The following GNAQ variants were observed in gnomAD, a reference collection of about 807,000 sequenced individuals.
The protein encoded by GNAQ is G protein subunit alpha q.
GNAQ carries 8 observed loss-of-function variants against 43.9 expected under a neutral mutation model. The observed-to-expected ratio is 0.18, with a 90% CI of 0.11 to 0.33. The LOEUF (loss-of-function observed/expected upper bound fraction) is 0.33. GNAQ is among the 10% of genes least tolerant of loss of function. The pLI is 1.00. For missense variants in GNAQ, 158 were observed against 450.8 expected, an observed-to-expected ratio of 0.35 and a Z score of 5.88; for synonymous variants, 155 against 170.7, an observed-to-expected ratio of 0.91 and a Z score of 0.71.
intron 2 of GNAQ, among the ~76,000 whole-genome samples, chr9:77,918,799 C>A (rs1828953817): frequency 6.6e-6 from 1 of 152,150 alleles, no homozygotes; most frequent in South Asian, 2.1e-4. Flanking sequence ...TTTTCTGTAT[C>A]CCTGACAGTA....
chr9:77,996,451 G>A (rs867933838), intron 1 of GNAQ, among the ~76,000 whole-genome samples: 12 of 152,090 alleles, frequency 7.9e-5, no homozygotes, highest in Middle Eastern at 6.8e-3. Context: ...AAGCCGAGGC[G>A]GGCGGATCAC....
chr9:77,986,287 T>G (rs1482476070), intron 1 of GNAQ, among the ~76,000 whole-genome samples: 1 of 152,178 alleles, frequency 6.6e-6, no homozygotes, highest in Non-Finnish European at 1.5e-5. Context: ...AAGTAACCTT[T>G]GAATCTTACT....
At chr9:77,966,699 G>A (rs1353817191) in intron 1 of GNAQ, among the ~76,000 whole-genome samples, 1 of 152,128 alleles carries the variant, frequency 6.6e-6, no homozygotes, top group African/African-American at 2.4e-5. Flanking sequence ...ACTCATGAGG[G>A]GAAAGAGGTA....
intron 5 of GNAQ, among the ~76,000 whole-genome samples, chr9:77,762,135 C>A (rs1826044582): frequency 7.2e-6 from 1 of 138,902 alleles, no homozygotes; most frequent in Admixed American, 6.9e-5. Flanking sequence ...GGGGTCAGCC[C>A]CCTGCCCGGC....
intron 5 of GNAQ, among the ~76,000 whole-genome samples, chr9:77,750,775 CCTGA>C (rs997752806): frequency 6.6e-6 from 1 of 152,098 alleles, no homozygotes; most frequent in Non-Finnish European, 1.5e-5. Context: ...TTATACCAAC[CCTGA>C]CTGACTGAGC....
At chr9:77,956,492 C>A (rs1020228315) in intron 1 of GNAQ, among the ~76,000 whole-genome samples, 3 of 152,108 alleles carry the variant, frequency 2.0e-5, no homozygotes, top group African/African-American at 7.2e-5. Context: ...AGTATAGGAT[C>A]CCTCACTTTC....
At chr9:77,962,161 A>T (rs540317476) in intron 1 of GNAQ, among the ~76,000 whole-genome samples, 175 of 152,320 alleles carry the variant, frequency 1.1e-3, no homozygotes, top group Non-Finnish European at 2.1e-3. Flanking sequence ...GAAAAAAACG[A>T]GCAGTCTCAG....
At chr9:77,939,919 C>T (rs981872418) in intron 1 of GNAQ, among the ~76,000 whole-genome samples, 4 of 152,154 alleles carry the variant, frequency 2.6e-5, no homozygotes, top group African/African-American at 9.7e-5. Context: ...GATTGGGTTA[C>T]CTCACAGTTA....
intron 2 of GNAQ, among the ~76,000 whole-genome samples, chr9:77,874,755 G>T (rs1189362744): frequency 6.6e-6 from 1 of 151,986 alleles, no homozygotes; most frequent in East Asian, 1.9e-4. Context: ...CTCCCAAGTA[G>T]CTGGGAATAC....
intron 6 of GNAQ, 101 bp from the exon 7 acceptor site, chr9:77,721,614 A>G: frequency 1.4e-6 from 1 of 734,982 alleles, no homozygotes; most frequent in Non-Finnish European, 2.3e-6. Flanking sequence ...CATGAAGCCT[A>G]CATCTGCACT....
At chr9:77,996,084 C>T (rs993480976) in intron 1 of GNAQ, among the ~76,000 whole-genome samples, 3 of 151,964 alleles carry the variant, frequency 2.0e-5, no homozygotes, top group African/African-American at 4.8e-5. Flanking sequence ...CCACACAAAA[C>T]GGCACCATTC....
chr9:77,836,506 A>G (rs1827388427), intron 2 of GNAQ, among the ~76,000 whole-genome samples: 1 of 151,976 alleles, frequency 6.6e-6, no homozygotes, highest in South Asian at 2.1e-4. Context: ...TAGGCATAAA[A>G]GCAAACCAGG....
At chr9:77,802,510 G>A (rs1380038470) in intron 3 of GNAQ, among the ~76,000 whole-genome samples, 2 of 151,978 alleles carry the variant, frequency 1.3e-5, no homozygotes, top group African/African-American at 4.8e-5. Context: ...GGTGGAATAT[G>A]AGGGACAGGT....
intron 1 of GNAQ, among the ~76,000 whole-genome samples, chr9:78,029,513 C>T (rs576641265): frequency 6.6e-6 from 1 of 152,176 alleles, no homozygotes; most frequent in South Asian, 2.1e-4. Context: ...TTGCCTCCTC[C>T]CTGGCTTCAT....
At chr9:77,861,492 G>A (rs546968173) in intron 2 of GNAQ, among the ~76,000 whole-genome samples, 15 of 152,178 alleles carry the variant, frequency 9.9e-5, no homozygotes, top group African/African-American at 2.2e-4. Context: ...AGTCCCTTCC[G>A]CTTATGAGCC....
At chr9:77,837,170 A>C (rs910241002) in intron 2 of GNAQ, among the ~76,000 whole-genome samples, 1 of 152,184 alleles carries the variant, frequency 6.6e-6, no homozygotes. Flanking sequence ...GACATATGTT[A>C]ATCAGTCTTT....
intron 1 of GNAQ, among the ~76,000 whole-genome samples, chr9:77,995,996 T>C (rs560572823): frequency 1.3e-5 from 2 of 152,334 alleles, no homozygotes; most frequent in East Asian, 1.9e-4. Flanking sequence ...AGACTGCGTA[T>C]AGAAAGAACT....
chr9:77,976,675 C>T (rs1412122569), intron 1 of GNAQ, among the ~76,000 whole-genome samples: 1 of 152,236 alleles, frequency 6.6e-6, no homozygotes, highest in East Asian at 1.9e-4. Context: ...CAGGCGTGAG[C>T]CAACACGCCC....
chr9:77,747,308 G>C (rs11145551), intron 5 of GNAQ, among the ~76,000 whole-genome samples: 5,188 of 152,176 alleles, frequency 0.034, 256 homozygotes, highest in African/African-American at 0.11. Context: ...TCATTGCTGG[G>C]AGTGACTCAT....
Sources: allele counts gnomAD v4.1 joint callset (sites outside exome capture counted in the v4.1 genomes callset), GRCh38; gene constraint gnomAD v4.1.1; transcripts MANE v1.5; gene names NCBI Gene and HGNC (gene_info 2026-07-23, HGNC 2026-07-21).